The following THSD7B variants were observed in gnomAD, a reference collection of about 807,000 sequenced individuals.
The protein encoded by THSD7B is thrombospondin type-1 domain-containing protein 7B.
THSD7B carries 138 observed loss-of-function variants against 213.6 expected under a neutral mutation model. The ratio of observed to expected loss-of-function variants is 0.65; its 90% CI spans 0.56 to 0.74. The LOEUF (loss-of-function observed/expected upper bound fraction) is 0.74. Ranked by LOEUF, THSD7B falls within the 30% of genes least tolerant of loss-of-function variation. The pLI is 0.00. For synonymous variants in THSD7B, 742 were observed against 687.0 expected (o/e 1.08, Z -1.25); for missense variants, 1,931 against 1,991.5 (o/e 0.97, Z 0.58).
chr2:137,571,654 T>C (rs1681357692), intron 16 of THSD7B, among the ~76,000 whole-genome samples: 2 of 152,308 alleles, frequency 1.3e-5, no homozygotes, highest in East Asian at 1.9e-4. Flanking sequence ...AACACTTTGG[T>C]TTTAATTTGA....
intron 7 of THSD7B, among the ~76,000 whole-genome samples, chr2:137,229,971 C>G (rs924855435): frequency 6.6e-6 from 1 of 152,126 alleles, no homozygotes; most frequent in Admixed American, 6.5e-5. Flanking sequence ...TAAAGTCATA[C>G]AAACAAAACC....
intron 12 of THSD7B, among the ~76,000 whole-genome samples, chr2:137,369,169 T>A (rs1034038416): frequency 2.0e-5 from 3 of 151,278 alleles, no homozygotes; most frequent in Non-Finnish European, 2.9e-5. Context: ...ATATATATAT[T>A]TTTGACAACT....
rs995570214 is a variant in THSD7B at position 136,814,032 on chromosome 2, T to A, written c.-36+48345T>A. Among the ~76,000 whole-genome samples the A allele has an allele frequency of 4.6e-5, 7 of 152,230 alleles. No individual in the cohort carries two copies. In the East Asian group the frequency reaches 1.4e-3, roughly 29 times the overall value. ...ACTCAGGCTCTCCTGATTTCCAATA[T>A]CCCCCTGTGTTCTGTTGCATGCACT... On this transcript the variant is annotated intron_variant, in intron 1 of 27. Coordinates refer to ENST00000409968, the MANE Select transcript of THSD7B (RefSeq NM_001316349.2).
chr2:136,825,690 T>C lies in THSD7B; in HGVS notation c.-35-56454T>C, dbSNP rs1003113171. Among the ~76,000 whole-genome samples the C allele has an allele frequency of 5.5e-5, 8 of 146,786 alleles. No individual in the cohort carries two copies. In the Admixed American group the frequency reaches 5.7e-4, roughly 10 times the overall value. On this transcript the variant is annotated intron_variant, in intron 1 of 27. Coordinates refer to ENST00000409968, the MANE Select transcript of THSD7B (RefSeq NM_001316349.2). ...CCTCAGCCTCCCGAGTAGCTGGGAC[T>C]ACAGGTGCTCACTGCCATGCCTGGC... is the stretch of plus-strand genomic sequence containing the variant.
chr2:137,118,669 A>G (rs925216179), intron 5 of THSD7B, among the ~76,000 whole-genome samples: 2 of 152,068 alleles, frequency 1.3e-5, no homozygotes, highest in Non-Finnish European at 1.5e-5. Context: ...CACTAATAAG[A>G]TTGTCTTCAT....
At chr2:136,953,491 A>G (rs1465267777) in intron 2 of THSD7B, among the ~76,000 whole-genome samples, 1 of 152,194 alleles carries the variant, frequency 6.6e-6, no homozygotes, top group East Asian at 1.9e-4. Context: ...ATACTTAAGG[A>G]TAAGTATATC....
intron 10 of THSD7B, among the ~76,000 whole-genome samples, chr2:137,258,445 G>A (rs1682359207): frequency 6.6e-6 from 1 of 151,738 alleles, no homozygotes; most frequent in African/African-American, 2.4e-5. Flanking sequence ...TTTGACTCTG[G>A]GCCTTGGCAC....
chr2:137,194,590 C>T lies in THSD7B; in HGVS notation c.1723+23652C>T, dbSNP rs1680723211. On this transcript the variant is annotated intron_variant, in intron 7 of 27. Transcript: ENST00000409968. ...ACAAGTGTATCTTTACATATGCTAACATCAACCTTTGAGTCTTTCAGTGTT... is the reference window on the plus strand; with the variant it reads ...ACAAGTGTATCTTTACATATGCTAATATCAACCTTTGAGTCTTTCAGTGTT... Among the ~76,000 whole-genome samples the T allele has an allele frequency of 2.0e-5, 3 of 152,206 alleles. No homozygotes were observed. The South Asian group carries it at 6.2e-4, about 31-fold the overall frequency.
chr2:137,463,073 A>G (rs1048806804), intron 15 of THSD7B, among the ~76,000 whole-genome samples: 1 of 152,146 alleles, frequency 6.6e-6, no homozygotes, highest in Non-Finnish European at 1.5e-5. Flanking sequence ...GGCACAGTAC[A>G]GTATTTGAGC....
intron 15 of THSD7B, among the ~76,000 whole-genome samples, chr2:137,557,322 C>G (rs1680996529): frequency 6.6e-6 from 1 of 152,132 alleles, no homozygotes; most frequent in Non-Finnish European, 1.5e-5. Flanking sequence ...TGTAAAAGAA[C>G]AGAAATTATA....
chr2:137,255,294 G>A (rs1020821716), intron 10 of THSD7B, among the ~76,000 whole-genome samples: 1 of 152,174 alleles, frequency 6.6e-6, no homozygotes, highest in Non-Finnish European at 1.5e-5. Context: ...CCTTGGGTGA[G>A]CACAGCTGAG....
chr2:137,198,714 A>G (rs897019515), intron 7 of THSD7B, among the ~76,000 whole-genome samples: 2 of 152,198 alleles, frequency 1.3e-5, no homozygotes, highest in Non-Finnish European at 1.5e-5. Flanking sequence ...TTACCTTACC[A>G]TTTCTGTGGA....
At chr2:137,080,173 T>A (rs993655990) in intron 3 of THSD7B, among the ~76,000 whole-genome samples, 1 of 150,990 alleles carries the variant, frequency 6.6e-6, no homozygotes. Context: ...AATATATGTG[T>A]GTGTGTGTGT....
chr2:137,390,457 A>G (rs1685995930), intron 12 of THSD7B, among the ~76,000 whole-genome samples: 1 of 152,132 alleles, frequency 6.6e-6, no homozygotes. Flanking sequence ...TGTTTTTTGA[A>G]ATATAAAATC....
chr2:136,787,098 T>G (rs767711665), intron 1 of THSD7B, among the ~76,000 whole-genome samples: 4 of 152,036 alleles, frequency 2.6e-5, no homozygotes. Flanking sequence ...ATACTTTGAG[T>G]TTGTTTCCAG....
At chr2:137,375,287 A>G (rs1001661762) in intron 12 of THSD7B, among the ~76,000 whole-genome samples, 1 of 152,194 alleles carries the variant, frequency 6.6e-6, no homozygotes, top group East Asian at 1.9e-4. Context: ...TAAAAAAAAC[A>G]CTGTACACAA....
chr2:137,436,669 C>T (rs1215126748), intron 14 of THSD7B, among the ~76,000 whole-genome samples: 2 of 152,056 alleles, frequency 1.3e-5, no homozygotes, highest in Non-Finnish European at 2.9e-5. Context: ...GCCTCTTGTG[C>T]CACAGTATGA....
chr2:136,922,632 G>A (rs1684454444), intron 2 of THSD7B, among the ~76,000 whole-genome samples: 1 of 152,154 alleles, frequency 6.6e-6, no homozygotes, highest in Non-Finnish European at 1.5e-5. Context: ...TGTTGTACTT[G>A]ATTGATGAAC....
In THSD7B at chr2:136,843,306, C is replaced by T. The variant is rs138795903; in HGVS notation, c.-35-38838C>T. 3.4e-3 allele frequency among the ~76,000 whole-genome samples: 525 copies of T among 152,262 alleles called. 14 individuals carry two copies. The highest frequency in any genetic ancestry group is 0.031 in the Admixed American group (477 of 15,286). On this transcript the variant is annotated intron_variant, in intron 1 of 27. Transcript: ENST00000409968. ...GTCTGTTCAAACATTACATTTCTTA[C>T]ACTTCCCAAGAGGCATCCTGGCTTA... is the stretch of plus-strand genomic sequence containing the variant.
Sources: allele counts gnomAD v4.1 joint callset (sites outside exome capture counted in the v4.1 genomes callset), GRCh38; gene constraint gnomAD v4.1.1; transcripts MANE v1.5; gene names NCBI Gene and HGNC (gene_info 2026-07-23, HGNC 2026-07-21).